The following ZNF701 variants were observed in gnomAD, a reference collection of about 807,000 sequenced individuals.
The protein encoded by ZNF701 is zinc finger protein 701.
A neutral mutation model predicts 7.1 loss-of-function variants in ZNF701; 6 were observed. The ratio of observed to expected loss-of-function variants is 0.84; its 90% CI spans 0.46 to 1.66. The LOEUF (loss-of-function observed/expected upper bound fraction) is 1.66. Among genes scored for constraint, ZNF701 ranks in the 40% most tolerant of loss-of-function variants. ZNF701 has a pLI of 0.01. For missense variants in ZNF701, 541 were observed against 559.2 expected, an observed-to-expected ratio of 0.97 and a Z score of 0.33; for synonymous variants, 166 against 188.2, an observed-to-expected ratio of 0.88 and a Z score of 0.97.
rs145216847 is a variant in ZNF701 at position 52,585,092 on chromosome 19, TGA to T, written c.*1637_*1638del. 6,018 of 152,304 alleles carry T rather than the reference TGA, an allele frequency of 0.04. 170 individuals are homozygous for T. The highest frequency in any genetic ancestry group is 0.074 in the East Asian group (382 of 5,178). The allele number at this position is 152,304 out of a possible 1,614,324, so 9.4% of individuals were successfully genotyped here. A position where few individuals can be genotyped will look rare whatever the true frequency, so the allele number is the denominator to read the frequency against. On this transcript the variant is annotated 3_prime_UTR_variant, in exon 4 of 4. Transcript: ENST00000391785. ...ATTGAGACGTCCGGGTGGGAGTCCG[TGA>T]GTCTTTTCCTTTTGAGTTTAAAGTC...
At position 52,582,314 on chromosome 19, in the gene ZNF701, T is replaced by C. The variant is rs751165086; in HGVS notation, c.255T>C (p.Thr85=). Residue 85 remains threonine, a synonymous_variant, in exon 4 of 4, where the codon ACT becomes ACC. Transcript: ENST00000391785. ...ATGCAAGTCATCACATTGGAGATAC[T>C]TGCTTCCAGGAAATTGAGAAAGATA... ...QIHASHHIGD[T]CFQEIEKDIH... 9 of 1,613,952 alleles carry C rather than the reference T, an allele frequency of 5.6e-6. No individual in the cohort carries two copies. The highest frequency in any genetic ancestry group is 3.3e-5 in the South Asian group (3 of 91,048).
intron 3 of ZNF701, among the ~76,000 whole-genome samples, chr19:52,581,606 G>C (rs1224848130): frequency 6.6e-6 from 1 of 152,076 alleles, no homozygotes; most frequent in African/African-American, 2.4e-5. Context: ...TTTGCCTCTT[G>C]GCTTAAAGCA....
chr19:52,577,354 C>A (rs1362036049), intron 3 of ZNF701, among the ~76,000 whole-genome samples: 1 of 152,116 alleles, frequency 6.6e-6, no homozygotes, highest in Non-Finnish European at 1.5e-5. Flanking sequence ...CCTGCCTTGG[C>A]TTCCCAAAGT....
downstream of ZNF701, chr19:52,588,704 G>A (rs951862809): frequency 4.5e-5 from 11 of 242,450 alleles, no homozygotes; most frequent in African/African-American, 1.2e-4. Context: ...ATTCTGAAGC[G>A]TCCTAACTCA....
chr19:52,583,919 G>T lies in ZNF701; in HGVS notation c.*462G>T. 2.5e-6 allele frequency: 1 copy of T among 400,712 alleles called. No homozygotes were observed. 24.8% of individuals were successfully genotyped at this position (400,712 alleles called of 1,614,324 possible). On this transcript the variant is annotated 3_prime_UTR_variant, in exon 4 of 4. Coordinates refer to ENST00000391785, the MANE Select transcript of ZNF701 (RefSeq NM_018260.3). Reference sequence around the variant, plus strand: ...GTTTTTCAGACATCATTCATAACTTGCAGTTCATTGGCGATCTTATACAGG... The same window carrying T: ...GTTTTTCAGACATCATTCATAACTTTCAGTTCATTGGCGATCTTATACAGG...
intron 1 of ZNF701, among the ~76,000 whole-genome samples, chr19:52,571,906 C>T (rs770147719): frequency 1.3e-4 from 20 of 152,082 alleles, no homozygotes; most frequent in Non-Finnish European, 2.9e-4. Context: ...TCACTGCAAC[C>T]TCCACCTCCC....
the ZNF701 span, among the ~76,000 whole-genome samples, chr19:52,592,960 G>A: frequency 7.8e-5 from 9 of 115,368 alleles, 1 homozygote; most frequent in African/African-American, 2.7e-4. Flanking sequence ...GGGTACCTGA[G>A]ATTAGGGAGT....
chr19:52,576,251 T>C (rs2059933468), intron 3 of ZNF701, among the ~76,000 whole-genome samples: 1 of 152,122 alleles, frequency 6.6e-6, no homozygotes, highest in Non-Finnish European at 1.5e-5. Context: ...GCATAAAAGC[T>C]TATGGCAGGC....
rs1285950775 is a variant in ZNF701, at chr19:52,586,506, TG to T, written c.*3051del. On this transcript the variant is annotated 3_prime_UTR_variant, in exon 4 of 4. Transcript: ENST00000391785. Reference sequence around the variant, plus strand: ...CTCGGCTTAACTGATCCGCTTGCTTTGGCCTTCCAAAGTGCTAGGATTACAG... The same window carrying T: ...CTCGGCTTAACTGATCCGCTTGCTTTGCCTTCCAAAGTGCTAGGATTACAG... 1 of 152,200 alleles carries T rather than the reference TG, an allele frequency of 6.6e-6. No individual in the cohort carries two copies. Among genetic ancestry groups the T allele is most frequent in the Non-Finnish European group, 1.5e-5 (1 of 68,040 alleles). The allele number at this position is 152,200 out of a possible 1,614,324, so 9.4% of individuals were successfully genotyped here.
chr19:52,592,408 G>A, the ZNF701 span, among the ~76,000 whole-genome samples: 1 of 152,198 alleles, frequency 6.6e-6, no homozygotes, highest in Non-Finnish European at 1.5e-5. Flanking sequence ...CCCTTATGGA[G>A]TGGTTTTACA....
At chr19:52,593,283 T>C in the ZNF701 span, among the ~76,000 whole-genome samples, 1 of 118,530 alleles carries the variant, frequency 8.4e-6, no homozygotes, top group African/African-American at 3.2e-5. Flanking sequence ...CCGTTCTCAA[T>C]GAGCTGTTGG....
intron 3 of ZNF701, among the ~76,000 whole-genome samples, chr19:52,578,297 C>T (rs182045667): frequency 7.0e-6 from 1 of 143,088 alleles, no homozygotes; most frequent in Non-Finnish European, 1.5e-5. Context: ...TAGAAGAAAA[C>T]GCTAACGTAT....
rs2059990670 is a variant in ZNF701, at chr19:52,583,499, G to T, written c.*42G>T. ...GGTTTTTAGGCAACAGTCAAACCTT[G>T]CATGTCATCATAGACTTTATACTGG... On this transcript the variant is annotated 3_prime_UTR_variant, in exon 4 of 4. Coordinates refer to ENST00000391785, the MANE Select transcript of ZNF701 (RefSeq NM_018260.3). 1 of 1,608,004 alleles carries T rather than the reference G, an allele frequency of 6.2e-7. No individual in the cohort carries two copies. The highest frequency in any genetic ancestry group is 1.3e-5 in the African/African-American group (1 of 74,760).
chr19:52,579,046 G>A (rs999595603), intron 3 of ZNF701, among the ~76,000 whole-genome samples: 4 of 126,444 alleles, frequency 3.2e-5, no homozygotes, highest in Non-Finnish European at 6.2e-5. Flanking sequence ...GCGCCCCGCC[G>A]TGCCCATTTC....
chr19:52,589,180 G>T (rs1256339603), downstream of ZNF701, among the ~76,000 whole-genome samples: 1 of 152,188 alleles, frequency 6.6e-6, no homozygotes, highest in African/African-American at 2.4e-5. Context: ...GAGAACATGA[G>T]AAATTTCTCA....
At chr19:52,576,067 C>G (rs763305672) in intron 3 of ZNF701, 46 bp downstream of exon 3, 16 of 1,606,202 alleles carry the variant, frequency 1.0e-5, no homozygotes, top group Non-Finnish European at 1.4e-5. Flanking sequence ...CCTTGTGGAT[C>G]TTTGTATTTT....
chr19:52,587,114 T>A lies in ZNF701; in HGVS notation c.*3657T>A, dbSNP rs1258082244. 19 of 152,206 alleles carry A rather than the reference T, an allele frequency of 1.2e-4. No homozygotes were observed. Among genetic ancestry groups the A allele is most frequent in the African/African-American group, 3.6e-4 (15 of 41,450 alleles). The allele number at this position is 152,206 out of a possible 1,614,324, so 9.4% of individuals were successfully genotyped here. A position where few individuals can be genotyped will look rare whatever the true frequency, so the allele number is the denominator to read the frequency against. Reference sequence around the variant, plus strand: ...ATGAGGGTGACAGTGTACTTCTGGGTGCTTAGCTGAGGTTGACACCATGTA... The same window carrying A: ...ATGAGGGTGACAGTGTACTTCTGGGAGCTTAGCTGAGGTTGACACCATGTA... On this transcript the variant is annotated 3_prime_UTR_variant, in exon 4 of 4. Transcript: ENST00000391785.
chr19:52,582,961 A>G lies in ZNF701; in HGVS notation c.902A>G (p.Asn301Ser). Residue 301 changes from asparagine to serine, a missense_variant, in exon 4 of 4, where the codon AAT becomes AGT. By Grantham distance (46) the Asn-to-Ser change is conservative (BLOSUM62 1). Coordinates refer to ENST00000391785, the MANE Select transcript of ZNF701 (RefSeq NM_018260.3). Reference sequence around the variant, plus strand: ...ACTGGAGAGAAACCTTACAAGTGTAATGAATGTGGCAAGGTTTTTAATCAA... The same window carrying G: ...ACTGGAGAGAAACCTTACAAGTGTAGTGAATGTGGCAAGGTTTTTAATCAA... Reference protein sequence around the residue: ...IHTGEKPYKCNECGKVFNQQS... With the variant: ...IHTGEKPYKCSECGKVFNQQS... The G allele has an allele frequency of 2.5e-6, 4 of 1,614,130 alleles. No homozygotes were observed. The highest frequency in any genetic ancestry group is 1.1e-5 in the South Asian group (1 of 91,080).
downstream of ZNF701, among the ~76,000 whole-genome samples, chr19:52,587,951 G>A (rs1236546136): frequency 6.6e-6 from 1 of 152,150 alleles, no homozygotes; most frequent in Non-Finnish European, 1.5e-5. Flanking sequence ...TCTGCATGGG[G>A]TTTGGTTAGG....
Sources: gnomAD v4.1 joint callset for allele counts (sites outside exome capture counted in the v4.1 genomes callset) on GRCh38, gnomAD v4.1.1 for gene constraint, MANE v1.5 for transcripts, NCBI Gene and HGNC (gene_info 2026-07-23, HGNC 2026-07-21) for gene names.